The following GPC6 variants were observed in gnomAD, a reference collection of about 807,000 sequenced individuals.
GPC6 encodes glypican 6.
GPC6 carries 14 observed loss-of-function variants against 55.2 expected under a neutral mutation model. The ratio of observed to expected loss-of-function variants is 0.25; its 90% confidence interval spans 0.17 to 0.40. The LOEUF is 0.40. Ranked by LOEUF, GPC6 falls within the 10% of genes least tolerant of loss-of-function variation. GPC6 has a pLI of 1.00. For synonymous variants in GPC6, 278 were observed against 259.6 expected, an observed-to-expected ratio of 1.07 and a Z score of -0.68; for missense variants, 641 against 708.5, an observed-to-expected ratio of 0.90 and a Z score of 1.08.
At chr13:94,065,041 T>C (rs1055332507) in intron 4 of GPC6, among the ~76,000 whole-genome samples, 1 of 152,164 alleles carries the variant, frequency 6.6e-6, no homozygotes, top group African/African-American at 2.4e-5. Flanking sequence ...CCTAAGTAAA[T>C]GTGGCTTAAG....
At chr13:93,600,105 G>A (rs1877946875) in intron 2 of GPC6, among the ~76,000 whole-genome samples, 1 of 152,158 alleles carries the variant, frequency 6.6e-6, no homozygotes, top group Admixed American at 6.5e-5. Context: ...TTATAATAGT[G>A]TAGCAGCCAC....
intron 1 of GPC6, among the ~76,000 whole-genome samples, chr13:93,489,306 C>G (rs1171354093): frequency 4.0e-4 from 60 of 151,428 alleles, no homozygotes; most frequent in Non-Finnish European, 2.4e-4. Flanking sequence ...TTTCTGAGGG[C>G]TCTGTTCTGT....
intron 3 of GPC6, among the ~76,000 whole-genome samples, chr13:93,934,095 C>T (rs995373276): frequency 6.6e-6 from 1 of 152,106 alleles, no homozygotes; most frequent in African/African-American, 2.4e-5. Context: ...TCACTAGTTT[C>T]GCCATGGTGA....
intron 4 of GPC6, among the ~76,000 whole-genome samples, chr13:94,269,387 T>G (rs1247750169): frequency 1.3e-5 from 2 of 152,218 alleles, no homozygotes; most frequent in Admixed American, 6.5e-5. Flanking sequence ...TCCTGTGATA[T>G]TGATGTCTTC....
chr13:93,631,713 C>T (rs1027197248), intron 2 of GPC6, among the ~76,000 whole-genome samples: 1 of 152,190 alleles, frequency 6.6e-6, no homozygotes, highest in Non-Finnish European at 1.5e-5. Context: ...TCATGCCTTG[C>T]CTGTATCTGT....
intron 3 of GPC6, among the ~76,000 whole-genome samples, chr13:93,853,525 T>A (rs922992603): frequency 6.6e-6 from 1 of 151,612 alleles, no homozygotes; most frequent in African/African-American, 2.4e-5. Context: ...AATGCCTTAA[T>A]TACTATATTT....
At chr13:94,331,243 C>G (rs1310930498) in intron 6 of GPC6, among the ~76,000 whole-genome samples, 1 of 152,118 alleles carries the variant, frequency 6.6e-6, no homozygotes, top group Non-Finnish European at 1.5e-5. Context: ...CACAGCCCTG[C>G]TCATTCATTT....
intron 3 of GPC6, among the ~76,000 whole-genome samples, chr13:93,946,636 T>C (rs1879023879): frequency 6.6e-6 from 1 of 152,178 alleles, no homozygotes; most frequent in African/African-American, 2.4e-5. Flanking sequence ...TGAATTTTTA[T>C]TCCACTTTGT....
At chr13:93,583,137 C>G (rs2017898) in intron 2 of GPC6, among the ~76,000 whole-genome samples, 9,147 of 152,262 alleles carry the variant, frequency 0.06, 882 homozygotes, top group African/African-American at 0.2. Flanking sequence ...CACTGAATGA[C>G]AGAGTATTCT....
chr13:93,542,455 C>T (rs181208770), intron 1 of GPC6, among the ~76,000 whole-genome samples: 8,759 of 152,014 alleles, frequency 0.058, 818 homozygotes, highest in African/African-American at 0.2. Context: ...AGTCAGGTAG[C>T]GTGATGCCTC....
intron 6 of GPC6, among the ~76,000 whole-genome samples, chr13:94,337,052 C>T (rs1566690453): frequency 6.6e-6 from 1 of 152,204 alleles, no homozygotes; most frequent in Non-Finnish European, 1.5e-5. Flanking sequence ...AGAATTTTTA[C>T]ACCTCCTTCT....
At chr13:94,124,116 A>G (rs1886728655) in intron 4 of GPC6, among the ~76,000 whole-genome samples, 1 of 152,106 alleles carries the variant, frequency 6.6e-6, no homozygotes, top group African/African-American at 2.4e-5. Context: ...AGCCCCGTAT[A>G]TTCCTTTGAA....
intron 6 of GPC6, among the ~76,000 whole-genome samples, chr13:94,331,370 G>T (rs1195036989): frequency 6.6e-6 from 1 of 152,056 alleles, no homozygotes; most frequent in Non-Finnish European, 1.5e-5. Context: ...GAGGAAGTTT[G>T]CCCGTCCCTG....
intron 2 of GPC6, among the ~76,000 whole-genome samples, chr13:93,713,097 C>G (rs1346620725): frequency 6.6e-6 from 1 of 151,386 alleles, no homozygotes; most frequent in African/African-American, 2.4e-5. Flanking sequence ...TTTGATTAAA[C>G]AGAAATTAAA....
intron 2 of GPC6, among the ~76,000 whole-genome samples, chr13:93,737,103 T>A (rs1006640947): frequency 2.0e-5 from 3 of 152,210 alleles, no homozygotes; most frequent in African/African-American, 7.2e-5. Context: ...TTCTTTCTGC[T>A]GTTTACTTTG....
intron 3 of GPC6, among the ~76,000 whole-genome samples, chr13:93,884,798 T>C (rs576541829): frequency 1.3e-5 from 2 of 152,268 alleles, no homozygotes; most frequent in Non-Finnish European, 2.9e-5. Context: ...CATAGGGTTA[T>C]CTAAAGCAAC....
At chr13:93,717,207 T>C (rs1883280559) in intron 2 of GPC6, among the ~76,000 whole-genome samples, 1 of 151,704 alleles carries the variant, frequency 6.6e-6, no homozygotes. Flanking sequence ...AAAATCTACT[T>C]TTTAATGCAG....
intron 4 of GPC6, among the ~76,000 whole-genome samples, chr13:94,061,104 C>T (rs1024953230): frequency 3.3e-5 from 5 of 152,168 alleles, no homozygotes; most frequent in South Asian, 4.1e-4. Flanking sequence ...AGCAATGGAG[C>T]ATATTTATAT....
chr13:93,469,125 T>A (rs1879018722), intron 1 of GPC6, among the ~76,000 whole-genome samples: 1 of 152,202 alleles, frequency 6.6e-6, no homozygotes, highest in Non-Finnish European at 1.5e-5. Flanking sequence ...ATAATGAAGC[T>A]GAATATTATG....
Sources: gnomAD v4.1 joint callset for allele counts (sites outside exome capture counted in the v4.1 genomes callset) on GRCh38, gnomAD v4.1.1 for gene constraint, MANE v1.5 for transcripts, NCBI Gene and HGNC (gene_info 2026-07-23, HGNC 2026-07-21) for gene names.